Variants in CD83 observed in about 807,000 individuals in gnomAD.
The protein encoded by CD83 is CD83 antigen.
A neutral mutation model predicts 24.6 loss-of-function variants in CD83; 22 were observed. The ratio of observed to expected loss-of-function variants is 0.90; its 90% CI spans 0.64 to 1.28. The LOEUF (loss-of-function observed/expected upper bound fraction) is 1.28. Among genes scored for constraint, CD83 ranks in the 50% most tolerant of loss-of-function variants. The pLI is 0.00. For synonymous variants in CD83, 101 were observed against 103.5 expected (o/e 0.98, Z 0.14); for missense variants, 253 against 252.8 (o/e 1.00, Z -0.01).
Position 14,135,343 on chromosome 6 carries a change from G to A in CD83, c.*107G>A, listed in dbSNP as rs1019015750. On this transcript the variant is annotated 3_prime_UTR_variant, in exon 5 of 5. Transcript: ENST00000379153. ...GCCTACGCTGAAGATGGCATCCTGT[G>A]AAGTCCTTCACCTCACTGAAAACAT... is the stretch of plus-strand genomic sequence containing the variant. The A allele has an allele frequency of 7.9e-7, 1 of 1,266,552 alleles. No homozygotes were observed. Among genetic ancestry groups the A allele is most frequent in the Non-Finnish European group, 1.1e-6 (1 of 912,228 alleles). The allele number at this position is 1,266,552 out of a possible 1,614,324, so 78.5% of individuals were successfully genotyped here. A position where few individuals can be genotyped will look rare whatever the true frequency, so the allele number is the denominator to read the frequency against.
At chr6:14,120,064 A>T (rs1759635724) in intron 2 of CD83, among the ~76,000 whole-genome samples, 1 of 152,236 alleles carries the variant, frequency 6.6e-6, no homozygotes, top group Non-Finnish European at 1.5e-5. Context: ...AAAAAGGGAC[A>T]GCAGTCTCTA....
intron 2 of CD83, among the ~76,000 whole-genome samples, chr6:14,125,005 GAC>G (rs1287004140): frequency 6.6e-6 from 1 of 152,198 alleles, no homozygotes; most frequent in Admixed American, 6.5e-5. Context: ...TTTGAAGACA[GAC>G]ACAGGGATTG....
At chr6:14,124,929 C>T (rs1759749867) in intron 2 of CD83, among the ~76,000 whole-genome samples, 1 of 152,126 alleles carries the variant, frequency 6.6e-6, no homozygotes, top group South Asian at 2.1e-4. Flanking sequence ...GTGGGCCCTA[C>T]TTCAGTATGA....
intron 2 of CD83, among the ~76,000 whole-genome samples, chr6:14,127,142 C>A (rs910271321): frequency 1.3e-5 from 2 of 152,056 alleles, no homozygotes; most frequent in African/African-American, 4.8e-5. Flanking sequence ...ATGTCCACTA[C>A]CACGCCCAGC....
At chr6:14,127,918 A>G (rs1017481822) in intron 2 of CD83, among the ~76,000 whole-genome samples, 5 of 152,234 alleles carry the variant, frequency 3.3e-5, no homozygotes, top group African/African-American at 1.2e-4. Context: ...GCTTTAGCGC[A>G]CTGTACTACA....
In CD83 at chr6:14,129,634, C is replaced by T. The variant is rs1425055035; in HGVS notation, c.154-1886C>T. ...AAGAAATGGGATTTATGTCCGCAGA[C>T]TCGGCCTGAGAAGAGCCGTTCATCT... is the stretch of plus-strand genomic sequence containing the variant. On this transcript the variant is annotated intron_variant, in intron 2 of 4. Transcript: ENST00000379153. The surrounding 1 kb of genome is among the most constrained non-coding windows in gnomAD (Gnocchi z 4.3). Among the ~76,000 whole-genome samples the T allele has an allele frequency of 1.3e-5, 2 of 152,122 alleles. No individual in the cohort carries two copies. The highest frequency in any genetic ancestry group is 4.8e-5 in the African/African-American group (2 of 41,410).
intron 2 of CD83, among the ~76,000 whole-genome samples, chr6:14,122,224 T>C (rs1759686955): frequency 1.3e-5 from 2 of 152,202 alleles, no homozygotes; most frequent in South Asian, 4.1e-4. Flanking sequence ...AGTGTTCTGC[T>C]TCTGACATTA....
At chr6:14,121,004 G>T (rs1759657295) in intron 2 of CD83, among the ~76,000 whole-genome samples, 1 of 152,198 alleles carries the variant, frequency 6.6e-6, no homozygotes, top group African/African-American at 2.4e-5. Context: ...CCCAATTCCT[G>T]TTGGCCCAGC....
chr6:14,122,992 T>C (rs1759702088), intron 2 of CD83, among the ~76,000 whole-genome samples: 1 of 152,184 alleles, frequency 6.6e-6, no homozygotes, highest in Non-Finnish European at 1.5e-5. Flanking sequence ...GAAAGTAGGC[T>C]AGAGACAGAT....
At chr6:14,127,282 G>T (rs987377229) in intron 2 of CD83, among the ~76,000 whole-genome samples, 5 of 152,088 alleles carry the variant, frequency 3.3e-5, no homozygotes, top group Non-Finnish European at 7.4e-5. Context: ...GAGCCACCGT[G>T]CCTGGCCCTG....
rs112782255 is a variant in CD83, at chr6:14,117,932, G to A, written c.38-18G>A. ...CCCGTCGGTCGCTTGCTCACGACGC[G>A]CTCTCTCTTTCTTGTAGCCTACAGC... On this transcript the variant is annotated intron_variant, in intron 1 of 4. Coordinates refer to ENST00000379153, the MANE Select transcript of CD83 (RefSeq NM_004233.4). The surrounding 1 kb of genome is among the most constrained non-coding windows in gnomAD (Gnocchi z 4.6). 1.9e-3 allele frequency: 3,013 copies of A among 1,599,412 alleles called. 49 individuals are homozygous for A. In the African/African-American group the frequency reaches 0.031, roughly 17 times the overall value.
chr6:14,119,955 A>G (rs1759633086), intron 2 of CD83, among the ~76,000 whole-genome samples: 2 of 152,240 alleles, frequency 1.3e-5, no homozygotes. Flanking sequence ...TTCTCCTTGG[A>G]TGTCAGCTGG....
intron 2 of CD83, among the ~76,000 whole-genome samples, chr6:14,118,977 G>C (rs1759608703): frequency 6.6e-6 from 1 of 152,286 alleles, no homozygotes; most frequent in South Asian, 2.1e-4. Context: ...TGCACTTGTA[G>C]CTTTCCCCAA....
Position 14,135,281 on chromosome 6 carries a change from G to A in CD83, c.*45G>A. 1.9e-6 allele frequency: 3 copies of A among 1,597,486 alleles called. No individual in the cohort carries two copies. The South Asian group carries it at 3.3e-5, about 18-fold the overall frequency. ...TTCTTCCTGAAGCTGAGGCTCAGGG[G>A]TGTGCCTGTCTGTTACACTGGAGGA... On this transcript the variant is annotated 3_prime_UTR_variant, in exon 5 of 5. Coordinates refer to ENST00000379153, the MANE Select transcript of CD83 (RefSeq NM_004233.4).
In CD83 at chr6:14,117,862, G is replaced by T. The variant is rs757608513; in HGVS notation, c.37+14G>T. On this transcript the variant is annotated intron_variant, in intron 1 of 4. Coordinates refer to ENST00000379153, the MANE Select transcript of CD83 (RefSeq NM_004233.4). The surrounding 1 kb of genome is among the most constrained non-coding windows in gnomAD (Gnocchi z 4.6). ...TCCTGAGCTGCGGTAGGGCTCGCGA[G>T]CGCCTGTCTCGCCTGTCGCCCCCCG... 11 of 1,575,720 alleles carry T rather than the reference G, an allele frequency of 7.0e-6. No homozygotes were observed. In the South Asian group the frequency reaches 1.0e-4, roughly 15 times the overall value.
In CD83 at chr6:14,131,401, C is replaced by T. The variant is rs1757896292; in HGVS notation, c.154-119C>T. ...AGAGGTCACACACACACAAAAGCAT[C>T]ACGTCTTGTTTTACAAACATAAGTT... On this transcript the variant is annotated intron_variant, in intron 2 of 4. Coordinates refer to ENST00000379153, the MANE Select transcript of CD83 (RefSeq NM_004233.4). 3 of 708,168 alleles carry T rather than the reference C, an allele frequency of 4.2e-6. No individual in the cohort carries two copies. The South Asian group carries it at 5.5e-5, about 13-fold the overall frequency. 43.9% of individuals were successfully genotyped at this position (708,168 alleles called of 1,614,324 possible).
chr6:14,136,242 G>A lies in CD83; in HGVS notation c.*1006G>A, dbSNP rs956111535. 1.3e-5 allele frequency: 2 copies of A among 152,226 alleles called. No individual in the cohort carries two copies. Among genetic ancestry groups the A allele is most frequent in the Non-Finnish European group, 2.9e-5 (2 of 68,040 alleles). The allele number at this position is 152,226 out of a possible 1,614,324, so 9.4% of individuals were successfully genotyped here. A position where few individuals can be genotyped will look rare whatever the true frequency, so the allele number is the denominator to read the frequency against. ...CTATACAGATTCGAAACTCCATTGA[G>A]TCATTATCCTTGCTATGATGATGGT... On this transcript the variant is annotated 3_prime_UTR_variant, in exon 5 of 5. Transcript: ENST00000379153.
At position 14,135,119 on chromosome 6, in the gene CD83, GC is replaced by G. The variant is rs1401036424; in HGVS notation, c.502del (p.Leu168TyrfsTer27). Reference sequence around the variant, plus strand: ...TCATTTCTTTTTAGAAGTTTGCACGGCTACAGAGTATCTTCCCAGATTTTTC... The same window carrying G: ...TCATTTCTTTTTAGAAGTTTGCACGGTACAGAGTATCTTCCCAGATTTTTC... The part of the protein sequence containing the change: ...LIIFTCKFAR[L>X]QSIFPDFSKA... On this transcript the variant is annotated frameshift_variant, in exon 5 of 5. Transcript: ENST00000379153. LOFTEE classifies it high-confidence loss of function. 3 of 1,614,012 alleles carry G rather than the reference GC, an allele frequency of 1.9e-6. No individual in the cohort carries two copies. Among genetic ancestry groups the G allele is most frequent in the Non-Finnish European group, 2.5e-6 (3 of 1,179,964 alleles).
At chr6:14,124,630 G>T (rs1759743649) in intron 2 of CD83, among the ~76,000 whole-genome samples, 1 of 152,166 alleles carries the variant, frequency 6.6e-6, no homozygotes, top group Non-Finnish European at 1.5e-5. Flanking sequence ...TTACATGGTG[G>T]TGCGGGGTGC....
Sources: gnomAD v4.1 joint callset for allele counts (sites outside exome capture counted in the v4.1 genomes callset) on GRCh38, gnomAD v4.1.1 for gene constraint, Gnocchi (gnomAD v3.1) non-coding constraint, MANE v1.5 for transcripts, NCBI Gene and HGNC (gene_info 2026-07-23, HGNC 2026-07-21) for gene names.